The following EXOC6B variants were observed in gnomAD, a reference collection of about 807,000 sequenced individuals.
EXOC6B encodes exocyst complex component 6B, also known as SEC15 homolog B.
A neutral mutation model predicts 113.5 loss-of-function variants in EXOC6B; 54 were observed. The observed-to-expected ratio is 0.48, with a 90% CI of 0.38 to 0.60. The LOEUF (loss-of-function observed/expected upper bound fraction) is 0.60, where lower values mean the gene tolerates loss of function less well. Among genes scored for constraint, EXOC6B ranks in the 20% least tolerant of loss-of-function variants. The pLI, the probability that EXOC6B is intolerant of heterozygous loss-of-function variation, is 0.00. For missense variants in EXOC6B, 797 were observed against 977.5 expected, an observed-to-expected ratio of 0.82 and a Z score of 2.46; for synonymous variants, 357 against 339.0, an observed-to-expected ratio of 1.05 and a Z score of -0.58.
chr2:72,716,029 T>C (rs1378271738), intron 6 of EXOC6B, among the ~76,000 whole-genome samples: 2 of 152,204 alleles, frequency 1.3e-5, no homozygotes, highest in Admixed American at 1.3e-4. Flanking sequence ...TATTTGCTCC[T>C]CCTGTTAGAG....
At chr2:72,664,436 T>C (rs536477310) in intron 6 of EXOC6B, among the ~76,000 whole-genome samples, 2 of 152,190 alleles carry the variant, frequency 1.3e-5, no homozygotes, top group Non-Finnish European at 2.9e-5. Context: ...GATGGCCCAC[T>C]CTTGCCACGA....
intron 19 of EXOC6B, among the ~76,000 whole-genome samples, chr2:72,351,736 C>T (rs1353824669): frequency 6.6e-6 from 1 of 152,116 alleles, no homozygotes; most frequent in Non-Finnish European, 1.5e-5. Context: ...TTGCCTCTCT[C>T]CTATGGATTT....
chr2:72,652,281 A>G (rs1674231233), intron 6 of EXOC6B, among the ~76,000 whole-genome samples: 1 of 152,126 alleles, frequency 6.6e-6, no homozygotes, highest in African/African-American at 2.4e-5. Context: ...AAAAATGTGT[A>G]ACCATCTGGC....
chr2:72,806,472 A>G (rs777331537), intron 1 of EXOC6B, among the ~76,000 whole-genome samples: 1 of 152,228 alleles, frequency 6.6e-6, no homozygotes, highest in Non-Finnish European at 1.5e-5. Context: ...TGGCTATTGT[A>G]AATGGTGATG....
intron 1 of EXOC6B, among the ~76,000 whole-genome samples, chr2:72,823,479 C>CAAAAAA (rs1214480106): frequency 4.2e-5 from 4 of 95,342 alleles, no homozygotes; most frequent in Admixed American, 1.4e-4. Flanking sequence ...AAAAAAAAAA[C>CAAAAAA]AAAAAACAAA....
chr2:72,750,185 G>A (rs1573735891), intron 1 of EXOC6B, among the ~76,000 whole-genome samples: 1 of 151,760 alleles, frequency 6.6e-6, no homozygotes, highest in African/African-American at 2.4e-5. Flanking sequence ...GATACCCCAT[G>A]GCCAAAAGTG....
At chr2:72,271,878 T>C (rs1197608123) in intron 20 of EXOC6B, among the ~76,000 whole-genome samples, 1 of 152,114 alleles carries the variant, frequency 6.6e-6, no homozygotes, top group East Asian at 1.9e-4. Flanking sequence ...TCCTGGCAAT[T>C]TCCCTTCCAC....
intron 8 of EXOC6B, among the ~76,000 whole-genome samples, chr2:72,544,262 C>T (rs1284082463): frequency 6.6e-6 from 1 of 152,092 alleles, no homozygotes; most frequent in Non-Finnish European, 1.5e-5. Context: ...CTCTCTAAAA[C>T]CAATGATATC....
At chr2:72,590,844 A>C (rs1194551123) in intron 6 of EXOC6B, among the ~76,000 whole-genome samples, 1 of 152,010 alleles carries the variant, frequency 6.6e-6, no homozygotes, top group Non-Finnish European at 1.5e-5. Flanking sequence ...CAACCTATGA[A>C]AGACCAAACA....
At chr2:72,277,525 C>T (rs2104654825) in intron 20 of EXOC6B, among the ~76,000 whole-genome samples, 1 of 151,700 alleles carries the variant, frequency 6.6e-6, no homozygotes, top group South Asian at 2.1e-4. Flanking sequence ...GAGATAGTCA[C>T]CCATGCTGGA....
intron 20 of EXOC6B, among the ~76,000 whole-genome samples, chr2:72,268,363 C>A (rs1205255625): frequency 6.6e-6 from 1 of 152,124 alleles, no homozygotes; most frequent in African/African-American, 2.4e-5. Flanking sequence ...CCACCCACCT[C>A]TGCCTCCCAA....
chr2:72,795,976 C>G (rs1010880239), intron 1 of EXOC6B, among the ~76,000 whole-genome samples: 2 of 151,898 alleles, frequency 1.3e-5, no homozygotes, highest in Admixed American at 1.3e-4. Flanking sequence ...TGCGTGCCAC[C>G]ATGCAAACCT....
intron 20 of EXOC6B, among the ~76,000 whole-genome samples, chr2:72,295,888 C>T (rs940337276): frequency 2.0e-5 from 3 of 151,746 alleles, no homozygotes; most frequent in Non-Finnish European, 2.9e-5. Context: ...TATTTTTTTC[C>T]GAATGTAGAA....
At chr2:72,727,021 A>G (rs537394351) in intron 5 of EXOC6B, among the ~76,000 whole-genome samples, 1 of 152,272 alleles carries the variant, frequency 6.6e-6, no homozygotes, top group African/African-American at 2.4e-5. Context: ...ATACCATGCC[A>G]TTTTATATAA....
intron 11 of EXOC6B, among the ~76,000 whole-genome samples, chr2:72,500,972 G>C (rs1297556583): frequency 6.6e-6 from 1 of 151,908 alleles, no homozygotes; most frequent in Non-Finnish European, 1.5e-5. Flanking sequence ...AACTAGTATC[G>C]ATACCAAATA....
At chr2:72,678,309 G>A (rs1562361) in intron 6 of EXOC6B, among the ~76,000 whole-genome samples, 32,209 of 152,116 alleles carry the variant, frequency 0.21, 5,697 homozygotes, top group African/African-American at 0.49. Context: ...GTGTTTCAAG[G>A]CCTATAAATA....
At chr2:72,349,040 C>A (rs1029579915) in intron 19 of EXOC6B, among the ~76,000 whole-genome samples, 6 of 152,128 alleles carry the variant, frequency 3.9e-5, no homozygotes, top group Non-Finnish European at 7.4e-5. Context: ...AGAAAATGAA[C>A]ATATCATTGG....
chr2:72,202,629 C>A (rs531153187), intron 20 of EXOC6B, among the ~76,000 whole-genome samples: 9 of 150,104 alleles, frequency 6.0e-5, no homozygotes, highest in Non-Finnish European at 1.3e-4. Context: ...CATGAGCAAG[C>A]TGTGGGAGAA....
At chr2:72,788,789 A>C (rs1442410612) in intron 1 of EXOC6B, among the ~76,000 whole-genome samples, 1 of 152,222 alleles carries the variant, frequency 6.6e-6, no homozygotes, top group Non-Finnish European at 1.5e-5. Flanking sequence ...ACAGAGCCTC[A>C]AAAAAGGGGG....
Sources: gnomAD v4.1 joint callset for allele counts (sites outside exome capture counted in the v4.1 genomes callset) on GRCh38, gnomAD v4.1.1 for gene constraint, MANE v1.5 for transcripts, NCBI Gene and HGNC (gene_info 2026-07-23, HGNC 2026-07-21) for gene names.